The following RPH3A variants were observed in gnomAD, a reference collection of about 807,000 sequenced individuals.
RPH3A encodes rabphilin-3A.
A neutral mutation model predicts 102.2 loss-of-function variants in RPH3A; 48 were observed. That is an observed-to-expected ratio of 0.47 (90% CI 0.37 to 0.60). The LOEUF (loss-of-function observed/expected upper bound fraction) is 0.60. RPH3A is among the 20% of genes least tolerant of loss of function. The pLI is 0.00. For synonymous variants in RPH3A, 310 were observed against 324.3 expected (o/e 0.96, Z 0.47); for missense variants, 781 against 910.1 (o/e 0.86, Z 1.83).
chr12:112,772,623 C>T (rs886351022), intron 1 of RPH3A, among the ~76,000 whole-genome samples: 12 of 151,916 alleles, frequency 7.9e-5, no homozygotes, highest in South Asian at 2.1e-4. Flanking sequence ...GTGGTTGGTG[C>T]GTGGTAAGCG....
intron 19 of RPH3A, 63 bp from the exon 20 acceptor site, chr12:112,894,515 G>T: frequency 2.8e-6 from 4 of 1,444,662 alleles, no homozygotes; most frequent in Non-Finnish European, 2.9e-6. Context: ...GGGCCTTTGG[G>T]GTCAAGAGGC....
In RPH3A at chr12:112,616,660, A is replaced by G. The variant is rs79850082; in HGVS notation, c.-140+41341A>G. 7.8e-3 allele frequency among the ~76,000 whole-genome samples: 1,189 copies of G among 152,340 alleles called. 20 individuals are homozygous for G. The highest frequency in any genetic ancestry group is 0.028 in the African/African-American group (1,149 of 41,588). ...TTAAGCAATGTGCTCAGGGCCACACAGCAGGTTAAGTTGTGAAGCTGACAT... is the reference window on the plus strand; with the variant it reads ...TTAAGCAATGTGCTCAGGGCCACACGGCAGGTTAAGTTGTGAAGCTGACAT... On this transcript the variant is annotated intron_variant, in intron 1 of 21. Coordinates refer to the RPH3A transcript ENST00000543106.
intron 15 of RPH3A, 36 bp downstream of exon 15, chr12:112,881,882 G>T (rs766995265): frequency 1.9e-6 from 3 of 1,559,858 alleles, no homozygotes; most frequent in African/African-American, 1.4e-5. Context: ...CAAACCGGGT[G>T]CATGGGCCCT....
chr12:112,754,032 G>T (rs1019974450), intron 1 of RPH3A, among the ~76,000 whole-genome samples: 1 of 152,136 alleles, frequency 6.6e-6, no homozygotes, highest in African/African-American at 2.4e-5. Context: ...TGGAAAAGAC[G>T]TGGCAATGAT....
At position 112,611,595 on chromosome 12, in the gene RPH3A, C is replaced by T. The variant is rs769568544; in HGVS notation, c.-140+36276C>T. Among the ~76,000 whole-genome samples the T allele has an allele frequency of 7.2e-5, 11 of 152,170 alleles. 1 individual carries two copies. Among genetic ancestry groups the T allele is most frequent in the South Asian group, 6.2e-4 (3 of 4,816 alleles). Reference sequence around the variant, plus strand: ...CTGAGATTACAGGTGCGCACCACCACGCCCAGCTAATTTTTGTATTTTTGG... The same window carrying T: ...CTGAGATTACAGGTGCGCACCACCATGCCCAGCTAATTTTTGTATTTTTGG... On this transcript the variant is annotated intron_variant, in intron 1 of 21. Coordinates refer to the RPH3A transcript ENST00000543106.
intron 1 of RPH3A, among the ~76,000 whole-genome samples, chr12:112,775,754 A>T (rs983307585): frequency 1.3e-5 from 2 of 152,216 alleles, no homozygotes; most frequent in African/African-American, 4.8e-5. Context: ...TAAACTCACC[A>T]GCTAAAAGAT....
intron 16 of RPH3A, among the ~76,000 whole-genome samples, chr12:112,886,694 CA>C (rs1441120371): frequency 6.6e-6 from 1 of 152,154 alleles, no homozygotes; most frequent in Non-Finnish European, 1.5e-5. Context: ...AGGTAGATAA[CA>C]AAAGGCAATA....
chr12:112,895,900 C>T (rs767109349), intron 21 of RPH3A, 27 bp downstream of exon 21: 97 of 1,508,436 alleles, frequency 6.4e-5, no homozygotes, highest in African/African-American at 1.8e-4. Flanking sequence ...CCAGAGAAAA[C>T]GCCCTCTTCT....
At chr12:112,751,742 C>G (rs1023260054) in intron 1 of RPH3A, among the ~76,000 whole-genome samples, 2 of 151,978 alleles carry the variant, frequency 1.3e-5, no homozygotes, top group Non-Finnish European at 2.9e-5. Flanking sequence ...ATAGGAAGAC[C>G]CTGTTCCTAT....
intron 1 of RPH3A, among the ~76,000 whole-genome samples, chr12:112,658,255 C>T (rs189784698): frequency 6.6e-6 from 1 of 152,268 alleles, no homozygotes; most frequent in Admixed American, 6.5e-5. Flanking sequence ...GGGACCACTG[C>T]AACCTCCACC....
intron 2 of RPH3A, among the ~76,000 whole-genome samples, chr12:112,810,713 T>G (rs2041556738): frequency 6.6e-6 from 1 of 152,180 alleles, no homozygotes; most frequent in Non-Finnish European, 1.5e-5. Context: ...ATTGGCTATT[T>G]GCATCAACTA....
At position 112,889,592 on chromosome 12, in the gene RPH3A, A is replaced by G. The variant is rs191360463; in HGVS notation, c.1564-432A>G. 1.9e-4 allele frequency among the ~76,000 whole-genome samples: 29 copies of G among 152,306 alleles called. No individual in the cohort carries two copies. In the East Asian group the frequency reaches 5.2e-3, roughly 27 times the overall value. ...TTTCTAACTCTGTTTCCCAGAGCCT[A>G]GAGTTCAGCAAAAGGGCCCCAGGGG... On this transcript the variant is annotated intron_variant, in intron 17 of 21. Coordinates refer to ENST00000389385, the MANE Select transcript of RPH3A (RefSeq NM_001143854.2).
At chr12:112,881,734 T>C in intron 14 of RPH3A, 38 bp from the exon 15 acceptor site, 1 of 1,518,222 alleles carries the variant, frequency 6.6e-7, no homozygotes, top group Non-Finnish European at 9.1e-7. Flanking sequence ...CACTGGGCCC[T>C]CCTGAGGCCC....
intron 1 of RPH3A, among the ~76,000 whole-genome samples, chr12:112,731,490 G>A (rs1050760393): frequency 3.3e-5 from 5 of 152,198 alleles, no homozygotes; most frequent in African/African-American, 1.2e-4. Context: ...GGAAATGCCT[G>A]TCTTCTAAAA....
At chr12:112,750,283 T>G (rs2040778036) in intron 1 of RPH3A, among the ~76,000 whole-genome samples, 1 of 152,160 alleles carries the variant, frequency 6.6e-6, no homozygotes, top group South Asian at 2.1e-4. Flanking sequence ...GATCCAAGTG[T>G]AAGTGGTTTA....
At chr12:112,710,132 G>A (rs1379423064) in intron 1 of RPH3A, among the ~76,000 whole-genome samples, 1 of 151,998 alleles carries the variant, frequency 6.6e-6, no homozygotes, top group Non-Finnish European at 1.5e-5. Context: ...CCGCCACTAC[G>A]CCCGGCTAAT....
At chr12:112,862,183 G>C (rs547612160) in intron 5 of RPH3A, among the ~76,000 whole-genome samples, 11 of 152,022 alleles carry the variant, frequency 7.2e-5, no homozygotes, top group Non-Finnish European at 1.3e-4. Context: ...AATTAGCCAG[G>C]CATGTAAGAT....
intron 1 of RPH3A, among the ~76,000 whole-genome samples, chr12:112,628,662 G>A (rs2039783351): frequency 6.8e-6 from 1 of 146,462 alleles, no homozygotes; most frequent in Non-Finnish European, 1.5e-5. Flanking sequence ...CAAGGCAGGA[G>A]GATCCTTGAG....
intron 1 of RPH3A, among the ~76,000 whole-genome samples, chr12:112,691,426 T>C (rs916086583): frequency 6.6e-6 from 1 of 152,190 alleles, no homozygotes; most frequent in African/African-American, 2.4e-5. Flanking sequence ...ACCTATAAAA[T>C]GAGATCCTGC....
Sources: allele counts gnomAD v4.1 joint callset (sites outside exome capture counted in the v4.1 genomes callset), GRCh38; gene constraint gnomAD v4.1.1; transcripts MANE v1.5; gene names NCBI Gene and HGNC (gene_info 2026-07-23, HGNC 2026-07-21).